NAV3: variants seen among roughly 807,000 people sequenced by gnomAD.
The protein encoded by NAV3 is neuron navigator 3, also known as pore membrane and/or filament interacting like protein 1.
NAV3 carries 87 observed loss-of-function variants against 244.7 expected under a neutral mutation model. That is an observed-to-expected ratio of 0.36 (90% CI 0.30 to 0.42). The LOEUF (loss-of-function observed/expected upper bound fraction) is 0.42. Ranked by LOEUF, NAV3 falls within the 20% of genes least tolerant of loss-of-function variation. The probability of loss-of-function intolerance (pLI) is 1.00; values close to 1 mark genes in which losing one functional copy is unlikely to be tolerated. For missense variants in NAV3, 2,663 were observed against 2,893.3 expected (o/e 0.92, Z 1.83); for synonymous variants, 1,126 against 1,042.2 (o/e 1.08, Z -1.55).
At chr12:78,112,201 G>T (rs550620894) in intron 12 of NAV3, among the ~76,000 whole-genome samples, 1 of 152,252 alleles carries the variant, frequency 6.6e-6, no homozygotes, top group South Asian at 2.1e-4. Flanking sequence ...TAATAGAAAA[G>T]AATCAAATGA....
chr12:77,670,448 T>TATCA (rs1297684625), intron 2 of NAV3, among the ~76,000 whole-genome samples: 1 of 152,026 alleles, frequency 6.6e-6, no homozygotes, highest in Admixed American at 6.6e-5. Context: ...ATGAAGCCAG[T>TATCA]ATCACTCTAG....
chr12:77,669,640 C>G (rs1008666464), intron 2 of NAV3, among the ~76,000 whole-genome samples: 2 of 152,076 alleles, frequency 1.3e-5, no homozygotes, highest in African/African-American at 4.8e-5. Flanking sequence ...ACTAGTACAA[C>G]AGGAAAATAT....
At chr12:77,705,461 T>C (rs1385820570) in intron 2 of NAV3, among the ~76,000 whole-genome samples, 1 of 151,460 alleles carries the variant, frequency 6.6e-6, no homozygotes, top group African/African-American at 2.4e-5. Flanking sequence ...GGGGATTTTA[T>C]GGGCTAAAAA....
At chr12:77,652,993 G>C (rs1872896962) in intron 2 of NAV3, among the ~76,000 whole-genome samples, 1 of 152,106 alleles carries the variant, frequency 6.6e-6, no homozygotes, top group South Asian at 2.1e-4. Flanking sequence ...ATGTTAATAG[G>C]GTTATGTGGC....
intron 1 of NAV3, among the ~76,000 whole-genome samples, chr12:77,905,182 A>T (rs1885834013): frequency 6.6e-6 from 1 of 152,102 alleles, no homozygotes; most frequent in Non-Finnish European, 1.5e-5. Flanking sequence ...AAAATCTTGG[A>T]TTTTGAGATT....
At chr12:78,024,087 A>G (rs1593305851) in intron 9 of NAV3, among the ~76,000 whole-genome samples, 1 of 152,176 alleles carries the variant, frequency 6.6e-6, no homozygotes, top group Admixed American at 6.6e-5. Context: ...TGATTCCACT[A>G]GGATTTCCAA....
chr12:77,573,356 T>G (rs1868921400), intron 2 of NAV3, among the ~76,000 whole-genome samples: 1 of 152,190 alleles, frequency 6.6e-6, no homozygotes, highest in African/African-American at 2.4e-5. Context: ...GTAATCCTTT[T>G]GTCATTAATA....
chr12:77,795,367 A>G, intron 2 of NAV3, among the ~76,000 whole-genome samples: 1 of 152,144 alleles, frequency 6.6e-6, no homozygotes, highest in East Asian at 1.9e-4. Context: ...AAGCTAGCAG[A>G]GATTGGTTCA....
chr12:78,077,908 C>T (rs1007992572), intron 12 of NAV3, among the ~76,000 whole-genome samples: 14 of 152,174 alleles, frequency 9.2e-5, no homozygotes, highest in African/African-American at 2.9e-4. Flanking sequence ...TTTGCACTCC[C>T]AGCCTGGGCA....
At position 78,025,193 on chromosome 12, in the gene NAV3, C is replaced by T. The variant is rs11107911; in HGVS notation, c.2023+3331C>T. Among the ~76,000 whole-genome samples, 1,090 of 152,228 alleles carry T rather than the reference C, an allele frequency of 7.2e-3. 9 individuals carry two copies. Among genetic ancestry groups the T allele is most frequent in the African/African-American group, 0.025 (1,024 of 41,532 alleles). ...CAAATCCAAGGATCAAGTCTCAGGG[C>T]TTATCTTATTTCACCTCACAGCAGC... On this transcript the variant is annotated intron_variant, in intron 9 of 39. Transcript: ENST00000397909.
chr12:78,027,821 GTTTTGT>G (rs917734321), intron 9 of NAV3, among the ~76,000 whole-genome samples: 2 of 151,796 alleles, frequency 1.3e-5, no homozygotes, highest in Non-Finnish European at 2.9e-5. Flanking sequence ...TGTGGTTTTT[GTTTTGT>G]TTTTGTTTTT....
chr12:77,684,476 G>A (rs1874622307), intron 2 of NAV3, among the ~76,000 whole-genome samples: 1 of 151,922 alleles, frequency 6.6e-6, no homozygotes, highest in Admixed American at 6.6e-5. Flanking sequence ...CTGGGCTCAA[G>A]TGAACCTCCT....
At chr12:77,651,984 T>G (rs1872842742) in intron 2 of NAV3, among the ~76,000 whole-genome samples, 1 of 152,084 alleles carries the variant, frequency 6.6e-6, no homozygotes. Context: ...AAAGTAATAG[T>G]GGTGGGGATG....
intron 6 of NAV3, 116 bp downstream of exon 6, chr12:77,994,987 A>G (rs1358725768): frequency 6.0e-6 from 4 of 665,290 alleles, no homozygotes; most frequent in Admixed American, 3.2e-5. Context: ...AGTTTAGAGC[A>G]CTAAATTTTT....
chr12:78,185,628 C>T lies in NAV3; in HGVS notation c.5720C>T (p.Ala1907Val), dbSNP rs1958680746. ...ATTTTGCTAGATGATGCTGGTGATG[C>T]AACTGGACATAAAGATGGCCGCAGT... ...SDILLDDAGD[A>V]TGHKDGRSVK... Residue 1907 changes from alanine to valine, a missense_variant, in exon 31 of 40, where the codon GCA becomes GTA. Physicochemically the swap from Ala to Val is moderately conservative, Grantham distance 64. Coordinates refer to ENST00000397909, the MANE Select transcript of NAV3 (RefSeq NM_001024383.2). 1 of 1,608,374 alleles carries T rather than the reference C, an allele frequency of 6.2e-7. No individual in the cohort carries two copies. The highest frequency in any genetic ancestry group is 8.5e-7 in the Non-Finnish European group (1 of 1,177,298).
At chr12:78,000,549 G>A (rs1348246182) in intron 7 of NAV3, among the ~76,000 whole-genome samples, 1 of 133,382 alleles carries the variant, frequency 7.5e-6, no homozygotes, top group Non-Finnish European at 1.6e-5. Context: ...TGTCGCCCAG[G>A]CTGGAGTGCA....
intron 20 of NAV3, chr12:78,143,547 C>T (rs1956720728): frequency 5.7e-5 from 15 of 263,498 alleles, no homozygotes; most frequent in South Asian, 4.4e-4. Flanking sequence ...AGGAGAATCG[C>T]CTGAACCTGG....
intron 2 of NAV3, among the ~76,000 whole-genome samples, chr12:77,820,381 G>T (rs1872688094): frequency 6.6e-6 from 1 of 152,064 alleles, no homozygotes; most frequent in Non-Finnish European, 1.5e-5. Flanking sequence ...GGGTCTTCTG[G>T]CTGCATCTTC....
At chr12:77,943,653 C>T (rs1593068772) in intron 3 of NAV3, among the ~76,000 whole-genome samples, 1 of 152,206 alleles carries the variant, frequency 6.6e-6, no homozygotes, top group Non-Finnish European at 1.5e-5. Context: ...CTACTCCAAA[C>T]AGGATGTTGC....
Sources: allele counts gnomAD v4.1 joint callset (sites outside exome capture counted in the v4.1 genomes callset), GRCh38; gene constraint gnomAD v4.1.1; transcripts MANE v1.5; gene names NCBI Gene and HGNC (gene_info 2026-07-23, HGNC 2026-07-21).